The following CHKA variants were observed in gnomAD, a reference collection of about 807,000 sequenced individuals.
The protein encoded by CHKA is CHETK-alpha.
In CHKA, 34 loss-of-function variants were observed where a neutral mutation model predicts 60.1. The ratio of observed to expected loss-of-function variants is 0.57; its 90% CI spans 0.43 to 0.75. The LOEUF is 0.75. Ranked by LOEUF, CHKA falls within the 30% of genes least tolerant of loss-of-function variation. The pLI is 0.00. For synonymous variants in CHKA, 217 were observed against 223.1 expected, an observed-to-expected ratio of 0.97 and a Z score of 0.24; for missense variants, 563 against 561.3, an observed-to-expected ratio of 1.00 and a Z score of -0.03.
At chr11:68,073,736 C>A (rs1287924288) in intron 4 of CHKA, among the ~76,000 whole-genome samples, 3 of 152,172 alleles carry the variant, frequency 2.0e-5, no homozygotes, top group Non-Finnish European at 4.4e-5. Flanking sequence ...CCAGACGCAG[C>A]AGAGCACCCC....
At chr11:68,084,420 A>G (rs1857109997) in intron 2 of CHKA, among the ~76,000 whole-genome samples, 1 of 73,696 alleles carries the variant, frequency 1.4e-5, no homozygotes, top group Non-Finnish European at 2.7e-5. Context: ...GTGTATATAT[A>G]TATACACATA....
chr11:68,061,843 G>A (rs948855851), intron 11 of CHKA, 110 bp downstream of exon 11: 3 of 823,320 alleles, frequency 3.6e-6, no homozygotes, highest in Non-Finnish European at 6.1e-6. Flanking sequence ...TGGGGAGACA[G>A]AGAACCCTCT....
At chr11:68,061,100 T>G (rs899777087) in intron 11 of CHKA, among the ~76,000 whole-genome samples, 3 of 136,552 alleles carry the variant, frequency 2.2e-5, no homozygotes, top group East Asian at 2.1e-4. Flanking sequence ...TGACAGTTTT[T>G]TTTTTTTTTT....
At chr11:68,067,392 C>T (rs1191135647) in intron 7 of CHKA, among the ~76,000 whole-genome samples, 1 of 152,160 alleles carries the variant, frequency 6.6e-6, no homozygotes, top group Non-Finnish European at 1.5e-5. Context: ...CACTTAAGTC[C>T]AGGAGTTTAA....
chr11:68,068,891 C>A lies in CHKA; in HGVS notation c.916G>T (p.Asp306Tyr). 4 of 1,611,562 alleles carry A rather than the reference C, an allele frequency of 2.5e-6. No individual in the cohort carries two copies. In the South Asian group the frequency reaches 4.4e-5, roughly 18 times the overall value. Residue 306 changes from aspartate to tyrosine, a missense_variant, in exon 7 of 12, where the codon GAC becomes TAC. Transcript: ENST00000265689. ...TPSPVVFCHN[D>Y]CQEGNILLLE... The stretch of plus-strand genomic sequence containing the variant: ...TAGCAATTCTTACCTTCTTGACAGT[C>A]ATTATGACAAAATACAACTGGAGAT...
chr11:68,060,412 C>T (rs532915693), intron 11 of CHKA, among the ~76,000 whole-genome samples: 13 of 152,210 alleles, frequency 8.5e-5, no homozygotes, highest in Non-Finnish European at 8.8e-5. Flanking sequence ...CAGGTTCAAG[C>T]GATTCTCCTG....
chr11:68,059,144 C>A (rs1565171162), intron 11 of CHKA, among the ~76,000 whole-genome samples: 1 of 152,220 alleles, frequency 6.6e-6, no homozygotes, highest in Non-Finnish European at 1.5e-5. Context: ...ATCCACCTGC[C>A]CTGGCCTCCC....
In CHKA at chr11:68,105,514, CAAAAAAAAA is replaced by C. The variant is rs1170085830; in HGVS notation, c.351-8393_351-8385del. 1.4e-3 allele frequency among the ~76,000 whole-genome samples: 91 copies of C among 64,950 alleles called. No homozygotes were observed. The South Asian group carries it at 0.023, about 16-fold the overall frequency. 42.6% of individuals were successfully genotyped at this position (64,950 alleles called of 152,430 possible). ...TGGGCAGCAGAGTGAGACTCCATCT[CAAAAAAAAA>C]AAAAAAAAAAAAAAAAAGAAAAGAA... On this transcript the variant is annotated intron_variant, in intron 1 of 11. Transcript: ENST00000265689.
chr11:68,113,657 T>C (rs989153733), intron 1 of CHKA, among the ~76,000 whole-genome samples: 3 of 151,802 alleles, frequency 2.0e-5, no homozygotes, highest in Non-Finnish European at 2.9e-5. Context: ...ATCACACCAC[T>C]GCGCTCCAGC....
intron 1 of CHKA, among the ~76,000 whole-genome samples, chr11:68,114,607 G>A (rs1858312161): frequency 6.6e-6 from 1 of 151,894 alleles, no homozygotes; most frequent in East Asian, 1.9e-4. Flanking sequence ...TGAGGAAGGA[G>A]AATTGCCTGA....
intron 11 of CHKA, 34 bp downstream of exon 11, chr11:68,061,919 G>GAA (rs756537958): frequency 3.5e-4 from 380 of 1,091,646 alleles, no homozygotes; most frequent in Non-Finnish European, 4.1e-4. Flanking sequence ...GGAGTAGGAA[G>GAA]AAAAAAAAAA....
chr11:68,112,552 G>A (rs1468216123), intron 1 of CHKA, among the ~76,000 whole-genome samples: 5 of 152,134 alleles, frequency 3.3e-5, no homozygotes, highest in Admixed American at 6.6e-5. Context: ...AAGCCACTGC[G>A]CCCAGCCAGA....
rs1858618649 is a variant in CHKA at position 68,120,963 on chromosome 11, G to A, written c.215C>T (p.Pro72Leu). The A allele has an allele frequency of 8.7e-7, 1 of 1,143,582 alleles. No homozygotes were observed. Among genetic ancestry groups the A allele is most frequent in the Non-Finnish European group, 1.1e-6 (1 of 929,302 alleles). 70.8% of individuals were successfully genotyped at this position (1,143,582 alleles called of 1,614,324 possible). A position where few individuals can be genotyped will look rare whatever the true frequency, so the allele number is the denominator to read the frequency against. The change falls in exon 1 of 12, where the codon CCC becomes CTC. Residue 72 changes from proline to leucine, a missense_variant. Physicochemically the swap from Pro to Leu is moderately conservative, Grantham distance 98 (BLOSUM62 -3). Transcript: ENST00000265689. ...PLPLPLPLPQ[P>L]PPPQPPADEQ... ...GTCTGCGGGCGGCTGCGGCGGCGGG[G>A]GCTGGGGCAGCGGCAGCGGCAGCGG... is the stretch of plus-strand genomic sequence containing the variant.
intron 2 of CHKA, among the ~76,000 whole-genome samples, chr11:68,084,824 G>A (rs1396054324): frequency 6.6e-6 from 1 of 152,038 alleles, no homozygotes; most frequent in African/African-American, 2.4e-5. Flanking sequence ...CTGGCTGTGA[G>A]GGGAAGATGA....
intron 11 of CHKA, 125 bp downstream of exon 11, chr11:68,061,828 G>GTACT (rs1856257894): frequency 2.7e-6 from 2 of 747,160 alleles, no homozygotes; most frequent in Non-Finnish European, 4.7e-6. Flanking sequence ...CCACATTCGG[G>GTACT]TACTTGGGGA....
chr11:68,076,458 G>A (rs1476010739), intron 3 of CHKA, among the ~76,000 whole-genome samples: 1 of 152,030 alleles, frequency 6.6e-6, no homozygotes, highest in Non-Finnish European at 1.5e-5. Context: ...AAGTATCCGG[G>A]GCATTTAAGC....
chr11:68,065,796 T>C lies in CHKA; in HGVS notation c.1115A>G (p.Lys372Arg). The C allele has an allele frequency of 6.3e-7, 1 of 1,596,254 alleles. No homozygotes were observed. Among genetic ancestry groups the C allele is most frequent in the Non-Finnish European group, 8.6e-7 (1 of 1,164,870 alleles). ...FRANIRKYPT[K>R]KQQLHFISSY... ...AAACTCATCTCCTACCTGTTGTTTC[T>C]TGGTGGGATACTTCCGGATGTTTGC... The change falls in exon 9 of 12, where the codon AAG becomes AGG. Residue 372 changes from lysine to arginine, a missense_variant. Lys to Arg is a conservative substitution (Grantham distance 26). Transcript: ENST00000265689.
chr11:68,104,071 T>C (rs1565192005), intron 1 of CHKA, among the ~76,000 whole-genome samples: 1 of 152,134 alleles, frequency 6.6e-6, no homozygotes, highest in Non-Finnish European at 1.5e-5. Context: ...CATCAATTGA[T>C]TATAGAATAA....
chr11:68,120,183 C>A (rs1858564222), intron 1 of CHKA, among the ~76,000 whole-genome samples: 1 of 150,154 alleles, frequency 6.7e-6, no homozygotes, highest in Non-Finnish European at 1.5e-5. Context: ...GAGCCGAGGT[C>A]GCGCCACTGC....
Sources: gnomAD v4.1 joint callset for allele counts (sites outside exome capture counted in the v4.1 genomes callset) on GRCh38, gnomAD v4.1.1 for gene constraint, MANE v1.5 for transcripts, NCBI Gene and HGNC (gene_info 2026-07-23, HGNC 2026-07-21) for gene names.